Variants in TBC1D32 observed in about 807,000 individuals in gnomAD.
TBC1D32 encodes protein broad-minded.
Under a neutral mutation model 170.3 loss-of-function variants are expected in TBC1D32, and 151 were observed. That is an observed-to-expected ratio of 0.89 (90% CI 0.78 to 1.01). The LOEUF (loss-of-function observed/expected upper bound fraction) is 1.01. Ranked by LOEUF, TBC1D32 falls within the 50% of genes least tolerant of loss-of-function variation. The pLI is 0.00. For synonymous variants in TBC1D32, 498 were observed against 488.0 expected (o/e 1.02, Z -0.27); for missense variants, 1,464 against 1,457.1 (o/e 1.00, Z -0.08).
chr6:121,160,314 T>C (rs1156760252), intron 23 of TBC1D32, among the ~76,000 whole-genome samples: 1 of 152,148 alleles, frequency 6.6e-6, no homozygotes, highest in Non-Finnish European at 1.5e-5. Flanking sequence ...AATATTAAAT[T>C]AGTACTGAGG....
At chr6:121,128,258 G>A (rs1781060592) in intron 25 of TBC1D32, among the ~76,000 whole-genome samples, 1 of 152,082 alleles carries the variant, frequency 6.6e-6, no homozygotes, top group South Asian at 2.1e-4. Flanking sequence ...ATATTTTCAG[G>A]TATTTTGAGG....
At chr6:121,238,988 T>G (rs1796639374) in intron 20 of TBC1D32, 82 bp downstream of exon 20, 2 of 656,436 alleles carry the variant, frequency 3.0e-6, no homozygotes, top group Non-Finnish European at 5.1e-6. Flanking sequence ...TGGTTGTAAC[T>G]GAATATGGAT....
intron 1 of TBC1D32, among the ~76,000 whole-genome samples, chr6:121,325,612 C>T (rs1463769451): frequency 1.3e-5 from 2 of 152,132 alleles, no homozygotes; most frequent in Non-Finnish European, 2.9e-5. Flanking sequence ...ACGCCTTATA[C>T]AAAAATTAAC....
intron 17 of TBC1D32, among the ~76,000 whole-genome samples, chr6:121,243,340 G>A (rs1797215767): frequency 6.6e-6 from 1 of 152,060 alleles, no homozygotes. Flanking sequence ...ATGTGTAACT[G>A]ATAATATTGA....
intron 26 of TBC1D32, 92 bp from the exon 27 acceptor site, chr6:121,115,333 C>A: frequency 2.2e-6 from 2 of 908,540 alleles, no homozygotes; most frequent in Non-Finnish European, 3.2e-6. Context: ...AATATTTTTA[C>A]ATATTTTAAT....
intron 20 of TBC1D32, among the ~76,000 whole-genome samples, chr6:121,234,502 T>C (rs2128346169): frequency 6.6e-6 from 1 of 152,204 alleles, no homozygotes; most frequent in East Asian, 1.9e-4. Context: ...TTCGATTCTA[T>C]TACTGAGACT....
At chr6:121,149,849 G>A (rs1376404900) in intron 24 of TBC1D32, among the ~76,000 whole-genome samples, 1 of 152,190 alleles carries the variant, frequency 6.6e-6, no homozygotes, top group East Asian at 1.9e-4. Flanking sequence ...GCTTTGGGCA[G>A]TATGGCCATT....
At chr6:121,260,832 GGA>G (rs147998751) in intron 15 of TBC1D32, among the ~76,000 whole-genome samples, 2,079 of 152,310 alleles carry the variant, frequency 0.014, 41 homozygotes, top group African/African-American at 0.046. Flanking sequence ...GCTCGCTGGG[GGA>G]GAGGCAGAGC....
At chr6:121,087,287 A>G (rs937285027) in intron 31 of TBC1D32, among the ~76,000 whole-genome samples, 2 of 152,220 alleles carry the variant, frequency 1.3e-5, no homozygotes, top group East Asian at 3.8e-4. Context: ...TCTGCCTATT[A>G]GTGTTCACAC....
intron 21 of TBC1D32, among the ~76,000 whole-genome samples, chr6:121,218,851 C>T (rs186974495): frequency 1.0e-3 from 157 of 152,108 alleles, no homozygotes; most frequent in African/African-American, 3.7e-3. Flanking sequence ...GATTTTTCCC[C>T]CTTTGCTCAG....
chr6:121,103,060 A>C (rs535114560), intron 30 of TBC1D32, among the ~76,000 whole-genome samples: 489 of 152,120 alleles, frequency 3.2e-3, no homozygotes, highest in African/African-American at 0.011. Flanking sequence ...GTTAGAATGG[A>C]GATCATTAAA....
intron 21 of TBC1D32, among the ~76,000 whole-genome samples, chr6:121,209,208 A>G (rs555018217): frequency 6.6e-6 from 1 of 152,106 alleles, no homozygotes; most frequent in Non-Finnish European, 1.5e-5. Flanking sequence ...TACTGTATAA[A>G]TTTGATAAGT....
intron 26 of TBC1D32, among the ~76,000 whole-genome samples, chr6:121,124,116 T>A (rs1250455206): frequency 6.6e-6 from 1 of 152,016 alleles, no homozygotes; most frequent in Non-Finnish European, 1.5e-5. Flanking sequence ...AAAGATTAAG[T>A]GGTTAACATA....
intron 24 of TBC1D32, among the ~76,000 whole-genome samples, chr6:121,152,606 G>C (rs1346209169): frequency 6.6e-6 from 1 of 152,138 alleles, no homozygotes; most frequent in Non-Finnish European, 1.5e-5. Flanking sequence ...TTCCAACATG[G>C]TTCCATTCTC....
intron 20 of TBC1D32, chr6:121,236,850 C>A (rs570114850): frequency 5.9e-5 from 9 of 151,938 alleles, no homozygotes; most frequent in Non-Finnish European, 1.0e-4. Flanking sequence ...ATCCTATGTA[C>A]GATTTTATTT....
Position 121,292,091 on chromosome 6 carries a change from C to T in TBC1D32, c.1334G>A (p.Gly445Asp). ...LLGRLLIYKQ[G>D]RKLFPIKLKN... is the part of the protein sequence containing the mutation. ...CAGCTTAATAGGAAATAGTTTTCTG[C>T]CTTGTTTATAGATCAATAATCTTCC... Residue 445 changes from glycine (G) to aspartate (D), a missense_variant, in exon 12 of 32, where the codon GGC becomes GAC. Coordinates refer to ENST00000398212, the MANE Select transcript of TBC1D32 (RefSeq NM_152730.6). 1 of 1,595,040 alleles carries T rather than the reference C, an allele frequency of 6.3e-7. No homozygotes were observed. Among genetic ancestry groups the T allele is most frequent in the Non-Finnish European group, 8.5e-7 (1 of 1,170,836 alleles).
At chr6:121,240,802 G>A (rs933014966) in intron 19 of TBC1D32, among the ~76,000 whole-genome samples, 7 of 149,078 alleles carry the variant, frequency 4.7e-5, no homozygotes, top group African/African-American at 7.4e-5. Flanking sequence ...TTGAACCCAG[G>A]AGGCGGAGGT....
chr6:121,189,287 AAAGAATTATAACCAGGGTC>A lies in TBC1D32; in HGVS notation c.2570+15769_2570+15787del, dbSNP rs561485970. ...GCATACTCAATCAGAACTTCAGGGC[AAAGAATTATAACCAGGGTC>A]AGTCCAGAGCCCTGAGACTCACAGG... is the stretch of plus-strand genomic sequence containing the variant. On this transcript the variant is annotated intron_variant, in intron 22 of 31. Transcript: ENST00000398212. 2.3e-3 allele frequency among the ~76,000 whole-genome samples: 351 copies of A among 152,242 alleles called. 1 individual carries two copies. The highest frequency in any genetic ancestry group is 6.8e-3 in the Middle Eastern group (2 of 294).
Position 121,080,679 on chromosome 6 carries a change from G to A in TBC1D32, c.*92C>T. The A allele has an allele frequency of 6.9e-7, 1 of 1,455,850 alleles. No individual in the cohort carries two copies. Among genetic ancestry groups the A allele is most frequent in the Non-Finnish European group, 9.2e-7 (1 of 1,085,216 alleles). 90.2% of individuals were successfully genotyped at this position (1,455,850 alleles called of 1,614,324 possible). Reference sequence around the variant, plus strand: ...TATTTACAATATGTATATTCACAAAGTAAATGTTGTTACAGACACAGAAAA... The same window carrying A: ...TATTTACAATATGTATATTCACAAAATAAATGTTGTTACAGACACAGAAAA... On this transcript the variant is annotated 3_prime_UTR_variant, in exon 32 of 32. Coordinates refer to ENST00000398212, the MANE Select transcript of TBC1D32 (RefSeq NM_152730.6).
Sources: gnomAD v4.1 joint callset for allele counts (sites outside exome capture counted in the v4.1 genomes callset) on GRCh38, gnomAD v4.1.1 for gene constraint, MANE v1.5 for transcripts, NCBI Gene and HGNC (gene_info 2026-07-23, HGNC 2026-07-21) for gene names.